CMTR1: variants seen among roughly 807,000 people sequenced by gnomAD.
CMTR1 encodes the protein cap methyltransferase 1, also known as cap-specific mRNA (nucleoside-2'-O-)-methyltransferase 1.
A neutral mutation model predicts 107.0 loss-of-function variants in CMTR1; 39 were observed. The observed-to-expected ratio is 0.36, with a 90% CI of 0.28 to 0.48. The LOEUF is 0.48. Ranked by LOEUF, CMTR1 falls within the 20% of genes least tolerant of loss-of-function variation. The probability of loss-of-function intolerance (pLI) is 0.99; values close to 1 mark genes in which losing one functional copy is unlikely to be tolerated. For missense variants in CMTR1, 672 were observed against 1,064.9 expected, an observed-to-expected ratio of 0.63 and a Z score of 5.14; for synonymous variants, 366 against 379.5, an observed-to-expected ratio of 0.96 and a Z score of 0.41.
At chr6:37,459,772 C>T in intron 10 of CMTR1, 88 bp downstream of exon 10, 1 of 913,954 alleles carries the variant, frequency 1.1e-6, no homozygotes, top group South Asian at 1.3e-5. Flanking sequence ...GGTTCTTTAG[C>T]TGCTCCCAAA....
At chr6:37,433,928 T>G (rs1771458768) in intron 1 of CMTR1, among the ~76,000 whole-genome samples, 1 of 152,172 alleles carries the variant, frequency 6.6e-6, no homozygotes. Context: ...GTGATGTGGT[T>G]TGGGGAGGAG....
intron 5 of CMTR1, among the ~76,000 whole-genome samples, chr6:37,451,477 C>T: frequency 6.6e-6 from 1 of 152,316 alleles, no homozygotes; most frequent in African/African-American, 2.4e-5. Context: ...ATTCCCCATC[C>T]TTCTGCCTCC....
chr6:37,469,139 AAAAAC>A (rs1761571654), intron 13 of CMTR1, among the ~76,000 whole-genome samples: 1 of 152,024 alleles, frequency 6.6e-6, no homozygotes. Context: ...TGTTTAAAAA[AAAAAC>A]AAAAACAAAA....
At chr6:37,452,116 G>A (rs565379417) in intron 6 of CMTR1, among the ~76,000 whole-genome samples, 3 of 152,150 alleles carry the variant, frequency 2.0e-5, no homozygotes, top group Non-Finnish European at 4.4e-5. Context: ...TAATCTCAGT[G>A]GGTCTGTTCA....
At chr6:37,457,217 C>CAAA (rs775870961) in intron 8 of CMTR1, among the ~76,000 whole-genome samples, 2 of 83,660 alleles carry the variant, frequency 2.4e-5, no homozygotes, top group Non-Finnish European at 5.3e-5. Flanking sequence ...ACCTCGTTGC[C>CAAA]AAAAAAAAAA....
chr6:37,475,926 C>G (rs1761726928), intron 19 of CMTR1, 200 bp from the exon 20 acceptor site: 1 of 582,966 alleles, frequency 1.7e-6, no homozygotes, highest in African/African-American at 1.9e-5. Flanking sequence ...GGTCAGAATC[C>G]ACAGGGGCGG....
At position 37,480,870 on chromosome 6, in the gene CMTR1, G is replaced by A; in HGVS notation, c.*725G>A. On this transcript the variant is annotated 3_prime_UTR_variant, in exon 24 of 24. Transcript: ENST00000373451. ...AGTATGGAGTTGTAGAGCCATCCTA[G>A]GTGCCATCCCCTTTTGGTCCAAACA... The A allele has an allele frequency of 8.4e-7, 1 of 1,193,904 alleles. No individual in the cohort carries two copies. Among genetic ancestry groups the A allele is most frequent in the Non-Finnish European group, 1.1e-6 (1 of 945,842 alleles). 74.0% of individuals were successfully genotyped at this position (1,193,904 alleles called of 1,614,324 possible).
At chr6:37,451,744 C>T in intron 5 of CMTR1, 62 bp from the exon 6 acceptor site, 2 of 1,266,064 alleles carry the variant, frequency 1.6e-6, no homozygotes, top group Non-Finnish European at 2.3e-6. Context: ...CTAATTTCTT[C>T]ATTCATCCCC....
Position 37,473,482 on chromosome 6 carries a change from G to A in CMTR1, c.1702G>A (p.Asp568Asn). Residue 568 changes from aspartate (D) to asparagine (N), a missense_variant, in exon 17 of 24, where the codon GAC becomes AAC. By Grantham distance (23) the Asp-to-Asn change is conservative. Transcript: ENST00000373451. Reference sequence around the variant, plus strand: ...CTCGTGGCTGCAGGGCACTGAGATTGACATCTTCAGCTACAAGCCCACACT... The same window carrying A: ...CTCGTGGCTGCAGGGCACTGAGATTAACATCTTCAGCTACAAGCCCACACT... ...FFELIQGTEI[D>N]IFSYKPTLLT... The A allele has an allele frequency of 1.2e-6, 2 of 1,613,682 alleles. No homozygotes were observed. The highest frequency in any genetic ancestry group is 1.7e-6 in the Non-Finnish European group (2 of 1,179,800).
chr6:37,435,992 T>C (rs894126786), intron 2 of CMTR1, among the ~76,000 whole-genome samples: 1 of 152,214 alleles, frequency 6.6e-6, no homozygotes, highest in Non-Finnish European at 1.5e-5. Context: ...CAGAAGTTGC[T>C]TTCTGTTGGT....
chr6:37,453,763 G>T (rs939954891), intron 8 of CMTR1, among the ~76,000 whole-genome samples: 2 of 152,138 alleles, frequency 1.3e-5, no homozygotes, highest in African/African-American at 4.8e-5. Flanking sequence ...TGGTGAGGAG[G>T]GACATGACAT....
At chr6:37,462,691 C>CTG in intron 12 of CMTR1, 138 bp from the exon 13 acceptor site, 1 of 719,250 alleles carries the variant, frequency 1.4e-6, no homozygotes, top group Non-Finnish European at 2.4e-6. Flanking sequence ...CACAAAGGGT[C>CTG]TGTGTTGTTC....
At chr6:37,474,117 G>A (rs1761684756) in intron 17 of CMTR1, among the ~76,000 whole-genome samples, 1 of 152,198 alleles carries the variant, frequency 6.6e-6, no homozygotes, top group Admixed American at 6.5e-5. Context: ...ATTTGATCCT[G>A]TCTTCCTCAG....
intron 4 of CMTR1, among the ~76,000 whole-genome samples, chr6:37,447,703 A>G (rs973805673): frequency 1.3e-5 from 2 of 151,616 alleles, no homozygotes; most frequent in Admixed American, 6.6e-5. Context: ...TCTGCTAAAA[A>G]TACAAAAACT....
intron 12 of CMTR1, 74 bp from the exon 13 acceptor site, chr6:37,462,755 C>A (rs1761426168): frequency 6.9e-7 from 1 of 1,441,738 alleles, no homozygotes; most frequent in South Asian, 1.2e-5. Context: ...TGTGATTCCA[C>A]AAGGGGTTGG....
intron 19 of CMTR1, 125 bp from the exon 20 acceptor site, chr6:37,476,001 T>G: frequency 1.1e-6 from 1 of 902,644 alleles, no homozygotes; most frequent in Admixed American, 1.8e-5. Context: ...GGGTGCTGCC[T>G]CTTAGAGCAG....
chr6:37,439,855 C>T (rs1771630243), intron 2 of CMTR1, among the ~76,000 whole-genome samples: 1 of 152,098 alleles, frequency 6.6e-6, no homozygotes, highest in African/African-American at 2.4e-5. Flanking sequence ...CTATGTTGCC[C>T]ACACTGGCCA....
At chr6:37,463,164 G>C (rs748979112) in intron 13 of CMTR1, among the ~76,000 whole-genome samples, 156 bp downstream of exon 13, 3 of 152,198 alleles carry the variant, frequency 2.0e-5, no homozygotes, top group Non-Finnish European at 4.4e-5. Flanking sequence ...CTGGGACTTT[G>C]GTTAGTTACC....
At chr6:37,477,672 A>G in intron 21 of CMTR1, 33 bp downstream of exon 21, 3 of 1,485,252 alleles carry the variant, frequency 2.0e-6, no homozygotes, top group Non-Finnish European at 2.8e-6. Context: ...CTCAGATTCA[A>G]GAGGAGGTGG....
Sources: gnomAD v4.1 joint callset for allele counts (sites outside exome capture counted in the v4.1 genomes callset) on GRCh38, gnomAD v4.1.1 for gene constraint, MANE v1.5 for transcripts, NCBI Gene and HGNC (gene_info 2026-07-23, HGNC 2026-07-21) for gene names.